The following RBFOX1 variants were observed in gnomAD, a reference collection of about 807,000 sequenced individuals.
RBFOX1 encodes the protein RNA binding fox-1 homolog 1.
A neutral mutation model predicts 57.7 loss-of-function variants in RBFOX1; 8 were observed. The ratio of observed to expected loss-of-function variants is 0.14; its 90% CI spans 0.08 to 0.25. RBFOX1 has a LOEUF of 0.25. Ranked by LOEUF, RBFOX1 falls within the 10% of genes least tolerant of loss-of-function variation. The pLI is 1.00. For synonymous variants in RBFOX1, 326 were observed against 222.4 expected, an observed-to-expected ratio of 1.47 and a Z score of -4.15; for missense variants, 611 against 548.5, an observed-to-expected ratio of 1.11 and a Z score of -1.14.
At chr16:6,649,109 C>G (rs907605409) in intron 2 of RBFOX1, among the ~76,000 whole-genome samples, 3 of 152,178 alleles carry the variant, frequency 2.0e-5, no homozygotes, top group Non-Finnish European at 4.4e-5. Context: ...CAGCAAACCC[C>G]CTGGTAGTGA....
chr16:7,394,694 G>A (rs1386237856), intron 4 of RBFOX1, among the ~76,000 whole-genome samples: 1 of 152,184 alleles, frequency 6.6e-6, no homozygotes, highest in Non-Finnish European at 1.5e-5. Flanking sequence ...GACCACGCCA[G>A]GGTTTCATGT....
intron 4 of RBFOX1, among the ~76,000 whole-genome samples, chr16:7,092,047 A>C (rs946447553): frequency 6.6e-6 from 1 of 152,170 alleles, no homozygotes; most frequent in East Asian, 1.9e-4. Flanking sequence ...AAATAGCACC[A>C]CCTCTTCTAG....
chr16:6,071,881 C>A (rs909638029), intron 1 of RBFOX1, among the ~76,000 whole-genome samples: 1 of 152,152 alleles, frequency 6.6e-6, no homozygotes, highest in African/African-American at 2.4e-5. Flanking sequence ...ATAATGTCCT[C>A]CAGGTTCATA....
At chr16:6,031,521 C>A (rs148339913) in intron 1 of RBFOX1, among the ~76,000 whole-genome samples, 1 of 152,184 alleles carries the variant, frequency 6.6e-6, no homozygotes, top group Non-Finnish European at 1.5e-5. Flanking sequence ...GTGTGTGCCT[C>A]TGTGTGTGCA....
chr16:5,353,322 G>T (rs940709468), intron 1 of RBFOX1, among the ~76,000 whole-genome samples: 1 of 150,764 alleles, frequency 6.6e-6, no homozygotes, highest in Non-Finnish European at 1.5e-5. Flanking sequence ...AGGTTGCAGT[G>T]AGGCAAGATC....
intron 4 of RBFOX1, among the ~76,000 whole-genome samples, chr16:7,225,111 T>A (rs1306562140): frequency 6.6e-6 from 1 of 152,210 alleles, no homozygotes; most frequent in East Asian, 1.9e-4. Context: ...CAAAAAGGGC[T>A]TATCATCATC....
At chr16:5,687,255 A>G (rs1256364405) in intron 3 of RBFOX1, among the ~76,000 whole-genome samples, 2 of 152,170 alleles carry the variant, frequency 1.3e-5, no homozygotes, top group Non-Finnish European at 2.9e-5. Flanking sequence ...AGGAAAACCC[A>G]AGACTAGAAA....
intron 2 of RBFOX1, among the ~76,000 whole-genome samples, chr16:6,522,897 A>G (rs2096528082): frequency 6.6e-6 from 1 of 151,764 alleles, no homozygotes; most frequent in Non-Finnish European, 1.5e-5. Flanking sequence ...CCTTGATCCC[A>G]CCTAAGTTCA....
chr16:6,281,479 G>C (rs1039608205), intron 1 of RBFOX1, among the ~76,000 whole-genome samples: 2 of 152,030 alleles, frequency 1.3e-5, no homozygotes, highest in African/African-American at 4.8e-5. Context: ...TGTGTCATGG[G>C]AGAAAACAGC....
chr16:7,488,199 A>G (rs1262150955), intron 4 of RBFOX1, among the ~76,000 whole-genome samples: 1 of 152,156 alleles, frequency 6.6e-6, no homozygotes, highest in Non-Finnish European at 1.5e-5. Context: ...CAGCGTGCTC[A>G]TCCCTGCAGG....
intron 2 of RBFOX1, among the ~76,000 whole-genome samples, chr16:5,515,301 C>T (rs1448138563): frequency 6.6e-6 from 1 of 152,242 alleles, no homozygotes; most frequent in Non-Finnish European, 1.5e-5. Flanking sequence ...CTGTAGCTGT[C>T]AGCACTTTGG....
chr16:6,223,142 A>T (rs1193461041), intron 1 of RBFOX1, among the ~76,000 whole-genome samples: 1 of 150,456 alleles, frequency 6.6e-6, no homozygotes, highest in South Asian at 2.2e-4. Flanking sequence ...GCTATTGTGG[A>T]TAGTGCCACA....
chr16:6,268,213 A>G (rs547465923), intron 1 of RBFOX1, among the ~76,000 whole-genome samples: 1 of 152,128 alleles, frequency 6.6e-6, no homozygotes, highest in South Asian at 2.1e-4. Flanking sequence ...AATTTGTTCA[A>G]ATGCTTTTGT....
intron 2 of RBFOX1, among the ~76,000 whole-genome samples, chr16:6,382,209 A>T (rs2091881260): frequency 6.6e-6 from 1 of 152,176 alleles, no homozygotes; most frequent in Non-Finnish European, 1.5e-5. Flanking sequence ...AAATTGCAAG[A>T]GCCATTTTAG....
chr16:5,900,551 C>A (rs1027599553), intron 4 of RBFOX1, among the ~76,000 whole-genome samples: 1 of 152,184 alleles, frequency 6.6e-6, no homozygotes, highest in Non-Finnish European at 1.5e-5. Context: ...TGTCTGGACC[C>A]GTTCATCGCA....
intron 3 of RBFOX1, among the ~76,000 whole-genome samples, chr16:6,783,441 C>CA (rs34445060): frequency 0.051 from 6,361 of 125,900 alleles, 326 homozygotes; most frequent in East Asian, 0.3. Flanking sequence ...ATGAAGCTTG[C>CA]AAAAAAAAAA....
chr16:5,541,349 C>G (rs1043949304), intron 2 of RBFOX1, among the ~76,000 whole-genome samples: 1 of 152,094 alleles, frequency 6.6e-6, no homozygotes, highest in African/African-American at 2.4e-5. Flanking sequence ...ACGCCCATGA[C>G]ACTGCCTCAG....
At chr16:6,624,924 C>G (rs1037828855) in intron 2 of RBFOX1, among the ~76,000 whole-genome samples, 1 of 151,840 alleles carries the variant, frequency 6.6e-6, no homozygotes, top group Non-Finnish European at 1.5e-5. Flanking sequence ...GCACTTTGGT[C>G]GAGGTCGAGG....
At chr16:5,816,111 C>T (rs2055624723) in intron 3 of RBFOX1, among the ~76,000 whole-genome samples, 1 of 152,168 alleles carries the variant, frequency 6.6e-6, no homozygotes, top group South Asian at 2.1e-4. Context: ...TGACGGGTAG[C>T]ATTAGTTCCA....
Sources: allele counts gnomAD v4.1 joint callset (sites outside exome capture counted in the v4.1 genomes callset), GRCh38; gene constraint gnomAD v4.1.1; transcripts MANE v1.5; gene names NCBI Gene and HGNC (gene_info 2026-07-23, HGNC 2026-07-21).